Variants in CAMTA1 observed in about 807,000 individuals in gnomAD.
CAMTA1 encodes the protein calmodulin binding transcription activator 1, also known as calmodulin-binding transcription activator 1.
In CAMTA1, 27 loss-of-function variants were observed where a neutral mutation model predicts 170.9. The ratio of observed to expected loss-of-function variants is 0.16; its 90% CI spans 0.12 to 0.22. The LOEUF is 0.22. CAMTA1 is among the 10% of genes least tolerant of loss of function. CAMTA1 has a pLI of 1.00. For missense variants in CAMTA1, 1,619 were observed against 2,217.2 expected, an observed-to-expected ratio of 0.73 and a Z score of 5.42; for synonymous variants, 833 against 891.5, an observed-to-expected ratio of 0.93 and a Z score of 1.17.
At chr1:7,652,750 C>T (rs546108188) in intron 7 of CAMTA1, among the ~76,000 whole-genome samples, 9 of 152,220 alleles carry the variant, frequency 5.9e-5, no homozygotes, top group Non-Finnish European at 1.2e-4. Context: ...CAGATGGGGT[C>T]GCTTTTCTCC....
rs566089361 is a variant in CAMTA1, at chr1:7,682,745, G to C, written c.2914+5012G>C. On this transcript the variant is annotated intron_variant, in intron 11 of 22. Transcript: ENST00000303635. This position sits in a 1 kb window ranked among gnomAD's most constrained non-coding sequence, Gnocchi z 5.0. Reference sequence around the variant, plus strand: ...TCTTCCTCCAATGGCAACACTCCAGGGCTTTCTGCTGAGTGGGCCTGGGCC... The same window carrying C: ...TCTTCCTCCAATGGCAACACTCCAGCGCTTTCTGCTGAGTGGGCCTGGGCC... Among the ~76,000 whole-genome samples the C allele has an allele frequency of 1.8e-4, 27 of 152,338 alleles. No homozygotes were observed. The highest frequency in any genetic ancestry group is 6.3e-4 in the African/African-American group (26 of 41,588).
Position 6,792,627 on chromosome 1 carries a change from T to C in CAMTA1, c.45+7052T>C, listed in dbSNP as rs1035232274. ...TCGAACTGATTGACATGGCATAAGATGGAATGACTAGAGATTTTTTTTTTT... is the reference window on the plus strand; with the variant it reads ...TCGAACTGATTGACATGGCATAAGACGGAATGACTAGAGATTTTTTTTTTT... On this transcript the variant is annotated intron_variant, in intron 1 of 22. Coordinates refer to ENST00000303635, the MANE Select transcript of CAMTA1 (RefSeq NM_015215.4). Among the ~76,000 whole-genome samples, 6 of 152,162 alleles carry C rather than the reference T, an allele frequency of 3.9e-5. 1 individual carries two copies. Among genetic ancestry groups the C allele is most frequent in the Non-Finnish European group, 8.8e-5 (6 of 68,032 alleles).
At chr1:7,689,873 G>A (rs1055982048) in intron 11 of CAMTA1, among the ~76,000 whole-genome samples, 10 of 152,124 alleles carry the variant, frequency 6.6e-5, no homozygotes, top group South Asian at 2.1e-4. Context: ...GAAATGAGCC[G>A]GCTAGTGGGC....
Position 7,712,978 on chromosome 1 carries a change from C to T in CAMTA1, c.2915-19470C>T, listed in dbSNP as rs370087439. On this transcript the variant is annotated intron_variant, in intron 11 of 22. Transcript: ENST00000303635. ...TCCACCCTCATGATTCAGTTACCTC[C>T]GACTGGGTCCTGTCCACGACACATG... Among the ~76,000 whole-genome samples the T allele has an allele frequency of 2.2e-4, 33 of 152,314 alleles. 1 individual carries two copies. The South Asian group carries it at 6.4e-3, about 30-fold the overall frequency.
intron 3 of CAMTA1, among the ~76,000 whole-genome samples, chr1:7,055,182 A>T (rs1209597163): frequency 6.6e-6 from 1 of 152,230 alleles, no homozygotes; most frequent in Non-Finnish European, 1.5e-5. Context: ...GGGTGGAGAC[A>T]CAGATCCAAA....
chr1:7,582,368 C>T (rs544708737), intron 6 of CAMTA1, among the ~76,000 whole-genome samples: 1 of 152,162 alleles, frequency 6.6e-6, no homozygotes, highest in African/African-American at 2.4e-5. Flanking sequence ...TTCACCCACC[C>T]CCTACCCTGC....
At chr1:7,524,463 C>G (rs1167844010) in intron 6 of CAMTA1, among the ~76,000 whole-genome samples, 1 of 152,052 alleles carries the variant, frequency 6.6e-6, no homozygotes, top group Admixed American at 6.6e-5. Flanking sequence ...ATCAGTGTGG[C>G]TTTTACGTCT....
chr1:7,483,516 C>T (rs761512743), intron 6 of CAMTA1, among the ~76,000 whole-genome samples: 3 of 152,206 alleles, frequency 2.0e-5, no homozygotes, highest in Non-Finnish European at 4.4e-5. Flanking sequence ...TGGGAAGAAG[C>T]AAGTTCCCTT....
intron 11 of CAMTA1, among the ~76,000 whole-genome samples, chr1:7,688,058 G>C (rs1334354362): frequency 7.8e-6 from 1 of 128,972 alleles, no homozygotes; most frequent in Non-Finnish European, 1.6e-5. Context: ...GTTCAGGCTA[G>C]AGTATAGTGG....
At chr1:6,890,463 T>G (rs1454578451) in intron 3 of CAMTA1, among the ~76,000 whole-genome samples, 1 of 152,142 alleles carries the variant, frequency 6.6e-6, no homozygotes, top group African/African-American at 2.4e-5. Context: ...TGGCACAGCT[T>G]GGGGTGGGCC....
chr1:7,488,737 T>C (rs756825607), intron 6 of CAMTA1, among the ~76,000 whole-genome samples: 19 of 152,160 alleles, frequency 1.2e-4, no homozygotes, highest in Non-Finnish European at 1.8e-4. Context: ...CACATAAATG[T>C]ACACATATAT....
intron 5 of CAMTA1, among the ~76,000 whole-genome samples, chr1:7,446,358 A>T (rs1266671035): frequency 6.6e-6 from 1 of 152,180 alleles, no homozygotes; most frequent in Non-Finnish European, 1.5e-5. Flanking sequence ...GCTTCCTAAC[A>T]GATCCTTAGG....
intron 6 of CAMTA1, among the ~76,000 whole-genome samples, chr1:7,625,885 G>T (rs1036220555): frequency 6.6e-6 from 1 of 152,216 alleles, no homozygotes; most frequent in Non-Finnish European, 1.5e-5. Flanking sequence ...AGCAGGTCCC[G>T]TTATTACCCG....
At chr1:7,069,378 T>C (rs1336773342) in intron 3 of CAMTA1, among the ~76,000 whole-genome samples, 1 of 152,118 alleles carries the variant, frequency 6.6e-6, no homozygotes, top group Admixed American at 6.5e-5. Flanking sequence ...AAAATGCAAT[T>C]CCTTTTTTTG....
chr1:7,167,461 G>A lies in CAMTA1; in HGVS notation c.302+76090G>A, dbSNP rs184881866. Among the ~76,000 whole-genome samples, 3 of 152,152 alleles carry A rather than the reference G, an allele frequency of 2.0e-5. No individual in the cohort carries two copies. The East Asian group carries it at 5.8e-4, about 29-fold the overall frequency. On this transcript the variant is annotated intron_variant, in intron 4 of 22. Coordinates refer to ENST00000303635, the MANE Select transcript of CAMTA1 (RefSeq NM_015215.4). Reference sequence around the variant, plus strand: ...TGTAGTCGTCAGTTTGTCTATTCTTGTCTCAGCACACCATCAGTTCAGTTG... The same window carrying A: ...TGTAGTCGTCAGTTTGTCTATTCTTATCTCAGCACACCATCAGTTCAGTTG...
At chr1:7,049,003 G>C (rs1705859001) in intron 3 of CAMTA1, among the ~76,000 whole-genome samples, 1 of 152,210 alleles carries the variant, frequency 6.6e-6, no homozygotes, top group Non-Finnish European at 1.5e-5. Context: ...GGCCGACTTA[G>C]GAAAGTACAA....
At position 7,434,686 on chromosome 1, in the gene CAMTA1, C is replaced by T. The variant is rs549684513; in HGVS notation, c.439-33144C>T. ...TTCTGGAGGCTGGGAAGTCCAAAGC[C>T]AAGGTGCCAGCATCTTACCTAGTGA... is the stretch of plus-strand genomic sequence containing the variant. On this transcript the variant is annotated intron_variant, in intron 5 of 22. Transcript: ENST00000303635. Among the ~76,000 whole-genome samples the T allele has an allele frequency of 4.5e-4, 69 of 152,206 alleles. No homozygotes were observed. The Middle Eastern group carries it at 0.01, about 23-fold the overall frequency.
At chr1:7,186,650 T>C (rs1653337308) in intron 4 of CAMTA1, among the ~76,000 whole-genome samples, 1 of 152,136 alleles carries the variant, frequency 6.6e-6, no homozygotes, top group South Asian at 2.1e-4. Flanking sequence ...CCGGGGCTGG[T>C]TGGGGGGAGG....
At chr1:7,019,056 G>A (rs569242785) in intron 3 of CAMTA1, among the ~76,000 whole-genome samples, 158 of 152,326 alleles carry the variant, frequency 1.0e-3, no homozygotes, top group African/African-American at 3.5e-3. Flanking sequence ...GTGGATGCCC[G>A]CATGCCTTTG....
Sources: allele counts gnomAD v4.1 joint callset (sites outside exome capture counted in the v4.1 genomes callset), GRCh38; gene constraint gnomAD v4.1.1; non-coding constraint Gnocchi (gnomAD v3.1); transcripts MANE v1.5; gene names NCBI Gene and HGNC (gene_info 2026-07-23, HGNC 2026-07-21).